ID1: variants seen among roughly 807,000 people sequenced by gnomAD.
ID1 encodes the protein inhibitor of DNA binding 1.
In ID1, 8 loss-of-function variants were observed where a neutral mutation model predicts 11.3. The ratio of observed to expected loss-of-function variants is 0.71; its 90% confidence interval spans 0.42 to 1.28. The LOEUF (loss-of-function observed/expected upper bound fraction) is 1.28. ID1 is among the 50% of genes most tolerant of loss of function. ID1 has a pLI of 0.01. For missense variants in ID1, 347 were observed against 219.8 expected (o/e 1.58, Z -3.66); for synonymous variants, 176 against 100.2 (o/e 1.76, Z -4.52).
Position 31,606,221 on chromosome 20 carries a change from C to G in ID1, c.*127C>G. 1.0e-6 allele frequency: 1 copy of G among 1,000,626 alleles called. No individual in the cohort carries two copies. The highest frequency in any genetic ancestry group is 1.5e-6 in the Non-Finnish European group (1 of 651,106). 62.0% of individuals were successfully genotyped at this position (1,000,626 alleles called of 1,614,324 possible). On this transcript the variant is annotated 3_prime_UTR_variant, in exon 2 of 2. Transcript: ENST00000376112. ...GAACAAGACCGATCGGCGGCCACTG[C>G]GCCCTTAACTGCATCCAGCCTGGGG... is the stretch of plus-strand genomic sequence containing the variant.
Position 31,605,333 on chromosome 20 carries a change from T to C in ID1, c.-55T>C. ...TCCATTTTCCGTATCTGCTTCGGGC[T>C]TCCACCTCATTTTTTTCGCTTTGCC... On this transcript the variant is annotated 5_prime_UTR_variant, in exon 1 of 2. Coordinates refer to ENST00000376112, the MANE Select transcript of ID1 (RefSeq NM_002165.4). 6.6e-7 allele frequency: 1 copy of C among 1,507,386 alleles called. No individual in the cohort carries two copies. Among genetic ancestry groups the C allele is most frequent in the East Asian group, 2.3e-5 (1 of 42,582 alleles). 93.4% of individuals were successfully genotyped at this position (1,507,386 alleles called of 1,614,324 possible). A position where few individuals can be genotyped will look rare whatever the true frequency, so the allele number is the denominator to read the frequency against.
At position 31,606,065 on chromosome 20, in the gene ID1, C is replaced by T. The variant is rs200627717; in HGVS notation, c.439C>T (p.Pro147Ser). 8 of 1,610,340 alleles carry T rather than the reference C, an allele frequency of 5.0e-6. 1 individual carries two copies. The East Asian group carries it at 6.7e-5, about 13-fold the overall frequency. ...CTCGTTTTCACAGGCGGCATGCGTT[C>T]CTGCGGACGATCGCATCTTGTGTCG... ...SALTAEAACVPADDRILCR is the reference protein window; with the variant it reads ...SALTAEAACVSADDRILCR Residue 147 changes from proline to serine, a missense_variant, in exon 2 of 2, where the codon CCT becomes TCT. By Grantham distance (74) the Pro-to-Ser change is moderately conservative. Transcript: ENST00000376112.
At position 31,606,125 on chromosome 20, in the gene ID1, G is replaced by A; in HGVS notation, c.*31G>A. ...CTCCCCCAGGGACCGGCGGACCCCA[G>A]CCATCCAGGGGGCAAGAGGAATTAC... On this transcript the variant is annotated 3_prime_UTR_variant, in exon 2 of 2. Transcript: ENST00000376112. 6.3e-7 allele frequency: 1 copy of A among 1,599,294 alleles called. No individual in the cohort carries two copies. The highest frequency in any genetic ancestry group is 2.2e-5 in the East Asian group (1 of 44,826).
Position 31,605,598 on chromosome 20 carries a change from G to T in ID1, c.211G>T (p.Gly71Cys). The T allele has an allele frequency of 6.4e-7, 1 of 1,570,862 alleles. No homozygotes were observed. Among genetic ancestry groups the T allele is most frequent in the East Asian group, 2.4e-5 (1 of 41,918 alleles). ...QVNVLLYDMNGCYSRLKELVP... is the reference protein window; with the variant it reads ...QVNVLLYDMNCCYSRLKELVP... ...AAACGTGCTGCTCTACGACATGAACGGCTGTTACTCACGCCTCAAGGAGCT... is the reference window on the plus strand; with the variant it reads ...AAACGTGCTGCTCTACGACATGAACTGCTGTTACTCACGCCTCAAGGAGCT... The change falls in exon 1 of 2, where the codon GGC (glycine) becomes TGC (cysteine). Residue 71 changes from glycine to cysteine, a missense_variant. Gly to Cys is a radical substitution (Grantham distance 159). Coordinates refer to ENST00000376112, the MANE Select transcript of ID1 (RefSeq NM_002165.4).
Position 31,605,515 on chromosome 20 carries a change from C to G in ID1, c.128C>G (p.Ser43Trp). The G allele has an allele frequency of 6.3e-7, 1 of 1,576,814 alleles. No homozygotes were observed. Residue 43 changes from serine to tryptophan, a missense_variant, in exon 1 of 2, where the codon TCG becomes TGG. Transcript: ENST00000376112. ...CTGTCTGAGCAGAGCGTGGCCATCT[C>G]GCGCTGCGCCGGGGGCGCCGGGGCG... is the stretch of plus-strand genomic sequence containing the variant. ...RCLSEQSVAI[S>W]RCAGGAGARL...
In ID1 at chr20:31,605,446, A is replaced by AG. The variant is rs1986053829; in HGVS notation, c.61dup (p.Ala21GlyfsTer17). 6.2e-7 allele frequency: 1 copy of AG among 1,608,838 alleles called. No individual in the cohort carries two copies. Among genetic ancestry groups the AG allele is most frequent in the Non-Finnish European group, 8.5e-7 (1 of 1,178,388 alleles). ...GCCGCGGGCCCCAGCTGCGCGCTGAAGGCCGGCAAGACAGCGAGCGGTGCG... is the reference window on the plus strand; with the variant it reads ...GCCGCGGGCCCCAGCTGCGCGCTGAAGGGCCGGCAAGACAGCGAGCGGTGCG... On this transcript the variant is annotated frameshift_variant, in exon 1 of 2. Coordinates refer to ENST00000376112, the MANE Select transcript of ID1 (RefSeq NM_002165.4). LOFTEE classifies it high-confidence loss of function.
chr20:31,606,066 C>T lies in ID1; in HGVS notation c.440C>T (p.Pro147Leu), dbSNP rs750414039. The T allele has an allele frequency of 3.7e-6, 6 of 1,610,188 alleles. No homozygotes were observed. The highest frequency in any genetic ancestry group is 1.3e-5 in the African/African-American group (1 of 74,954). ...TCGTTTTCACAGGCGGCATGCGTTC[C>T]TGCGGACGATCGCATCTTGTGTCGC... ...SALTAEAACV[P>L]ADDRILCR The change falls in exon 2 of 2, where the codon CCT becomes CTT. Residue 147 changes from proline (P) to leucine (L), a missense_variant. By Grantham distance (98) the Pro-to-Leu change is moderately conservative. Coordinates refer to ENST00000376112, the MANE Select transcript of ID1 (RefSeq NM_002165.4).
At chr20:31,605,923 C>A in intron 1 of ID1, 110 bp downstream of exon 1, 2 of 1,584,322 alleles carry the variant, frequency 1.3e-6, no homozygotes, top group Admixed American at 3.6e-5. Context: ...GGGTACCTGG[C>A]TATGCGGGGG....
At chr20:31,605,898 C>A (rs951900317) in intron 1 of ID1, 85 bp downstream of exon 1, 7 of 1,583,310 alleles carry the variant, frequency 4.4e-6, no homozygotes, top group Admixed American at 3.6e-5. Context: ...TGCACCACTT[C>A]CGTCCCATCC....
chr20:31,605,639 C>G lies in ID1; in HGVS notation c.252C>G (p.Pro84=), dbSNP rs1047105042. Residue 84 remains proline (P), a synonymous_variant, in exon 1 of 2, where the codon CCC becomes CCG. Coordinates refer to ENST00000376112, the MANE Select transcript of ID1 (RefSeq NM_002165.4). ...SRLKELVPTL[P]QNRKVSKVEI... is the part of the protein sequence containing the mutation. Reference sequence around the variant, plus strand: ...TCAAGGAGCTGGTGCCCACCCTGCCCCAGAACCGCAAGGTGAGCAAGGTGG... The same window carrying G: ...TCAAGGAGCTGGTGCCCACCCTGCCGCAGAACCGCAAGGTGAGCAAGGTGG... 1 of 1,600,298 alleles carries G rather than the reference C, an allele frequency of 6.2e-7. No individual in the cohort carries two copies. The highest frequency in any genetic ancestry group is 8.5e-7 in the Non-Finnish European group (1 of 1,173,800).
rs1311814078 is a variant in ID1, at chr20:31,605,837, G to C, written c.426+24G>C. On this transcript the variant is annotated intron_variant, in intron 1 of 1. Coordinates refer to ENST00000376112, the MANE Select transcript of ID1 (RefSeq NM_002165.4). ...AGGTGAGATCCAGATCCGACCACTA[G>C]ATCATCCTTATACCGACGGGGAAAC... The C allele has an allele frequency of 3.1e-6, 5 of 1,609,498 alleles. No individual in the cohort carries two copies. In the African/African-American group the frequency reaches 4.0e-5, roughly 13 times the overall value.
At position 31,606,146 on chromosome 20, in the gene ID1, A is replaced by G. The variant is rs760732929; in HGVS notation, c.*52A>G. The G allele has an allele frequency of 7.6e-6, 12 of 1,569,150 alleles. No homozygotes were observed. The Admixed American group carries it at 1.7e-4, about 22-fold the overall frequency. ...CCCAGCCATCCAGGGGGCAAGAGGA[A>G]TTACGTGCTCTGTGGGTCTCCCCCA... On this transcript the variant is annotated 3_prime_UTR_variant, in exon 2 of 2. Transcript: ENST00000376112.
Position 31,605,645 on chromosome 20 carries a change from C to A in ID1, c.258C>A (p.Asn86Lys). The A allele has an allele frequency of 6.2e-7, 1 of 1,603,770 alleles. No homozygotes were observed. The highest frequency in any genetic ancestry group is 8.5e-7 in the Non-Finnish European group (1 of 1,175,284). Reference sequence around the variant, plus strand: ...AGCTGGTGCCCACCCTGCCCCAGAACCGCAAGGTGAGCAAGGTGGAGATTC... The same window carrying A: ...AGCTGGTGCCCACCCTGCCCCAGAAACGCAAGGTGAGCAAGGTGGAGATTC... ...LKELVPTLPQ[N>K]RKVSKVEILQ... is the part of the protein sequence containing the mutation. Residue 86 changes from asparagine to lysine, a missense_variant, in exon 1 of 2, where the codon AAC (asparagine) becomes AAA (lysine). By Grantham distance (94) the Asn-to-Lys change is moderately conservative. Coordinates refer to ENST00000376112, the MANE Select transcript of ID1 (RefSeq NM_002165.4).
chr20:31,606,135 GGGCAAGA>G lies in ID1; in HGVS notation c.*44_*50del. ...GACCGGCGGACCCCAGCCATCCAGG[GGGCAAGA>G]GGAATTACGTGCTCTGTGGGTCTCC... On this transcript the variant is annotated 3_prime_UTR_variant, in exon 2 of 2. Transcript: ENST00000376112. 6.3e-7 allele frequency: 1 copy of G among 1,592,242 alleles called. No homozygotes were observed. Among genetic ancestry groups the G allele is most frequent in the East Asian group, 2.2e-5 (1 of 44,778 alleles).
Position 31,605,409 on chromosome 20 carries a change from A to ACCG in ID1, c.25_27dup (p.Ala9dup), listed in dbSNP as rs1986050616. The ACCG allele has an allele frequency of 6.3e-7, 1 of 1,599,642 alleles. No homozygotes were observed. On this transcript the variant is annotated inframe_insertion, in exon 1 of 2. Coordinates refer to ENST00000376112, the MANE Select transcript of ID1 (RefSeq NM_002165.4). Reference sequence around the variant, plus strand: ...AATCATGAAAGTCGCCAGTGGCAGCACCGCCACCGCCGCCGCGGGCCCCAG... The same window carrying ACCG: ...AATCATGAAAGTCGCCAGTGGCAGCACCGCCGCCACCGCCGCCGCGGGCCCCAG...
In ID1 at chr20:31,605,556, C is replaced by G; in HGVS notation, c.169C>G (p.Leu57Val). 1 of 1,558,416 alleles carries G rather than the reference C, an allele frequency of 6.4e-7. No homozygotes were observed. Among genetic ancestry groups the G allele is most frequent in the Non-Finnish European group, 8.7e-7 (1 of 1,149,566 alleles). ...GGAGARLPAL[L>V]DEQQVNVLLY... ...CGCCGGGGCGCGCCTGCCTGCCCTG[C>G]TGGACGAGCAGCAGGTAAACGTGCT... The change falls in exon 1 of 2, where the codon CTG becomes GTG. Residue 57 changes from leucine to valine, a missense_variant. Coordinates refer to ENST00000376112, the MANE Select transcript of ID1 (RefSeq NM_002165.4).
At chr20:31,606,001 C>T in intron 1 of ID1, 52 bp from the exon 2 acceptor site, 7 of 1,610,234 alleles carry the variant, frequency 4.3e-6, no homozygotes, top group Non-Finnish European at 5.9e-6. Context: ...TCGCTGCGCT[C>T]GGAGCGGCGT....
At chr20:31,605,897 TC>T (rs1027417261) in intron 1 of ID1, 84 bp downstream of exon 1, 8 of 1,583,368 alleles carry the variant, frequency 5.1e-6, no homozygotes, top group Admixed American at 3.6e-5. Context: ...TTGCACCACT[TC>T]CGTCCCATCC....
chr20:31,606,488 T>C lies in ID1; in HGVS notation c.*394T>C, dbSNP rs565212442. Reference sequence around the variant, plus strand: ...GTTCTGTGGGGCTGTTTTTTTGTTATTAAACAAATAATTTAGATGGTGGTA... The same window carrying C: ...GTTCTGTGGGGCTGTTTTTTTGTTACTAAACAAATAATTTAGATGGTGGTA... On this transcript the variant is annotated 3_prime_UTR_variant, in exon 2 of 2. Coordinates refer to ENST00000376112, the MANE Select transcript of ID1 (RefSeq NM_002165.4). 4 of 217,790 alleles carry C rather than the reference T, an allele frequency of 1.8e-5. No individual in the cohort carries two copies. Among genetic ancestry groups the C allele is most frequent in the East Asian group, 2.4e-4 (2 of 8,262 alleles). The allele number at this position is 217,790 out of a possible 1,614,324, so 13.5% of individuals were successfully genotyped here. A position where few individuals can be genotyped will look rare whatever the true frequency, so the allele number is the denominator to read the frequency against.
Sources: gnomAD v4.1 joint callset for allele counts on GRCh38, gnomAD v4.1.1 for gene constraint, MANE v1.5 for transcripts, NCBI Gene and HGNC (gene_info 2026-07-23, HGNC 2026-07-21) for gene names.